The following FSTL5 variants were observed in gnomAD, a reference collection of about 807,000 sequenced individuals.
The protein encoded by FSTL5 is follistatin like 5.
In FSTL5, 62 loss-of-function variants were observed where a neutral mutation model predicts 89.1. That is an observed-to-expected ratio of 0.70 (90% confidence interval 0.57 to 0.86). FSTL5 has a LOEUF of 0.86. Ranked by LOEUF, FSTL5 falls within the 40% of genes least tolerant of loss-of-function variation. The pLI is 0.00. For synonymous variants in FSTL5, 383 were observed against 346.2 expected (o/e 1.11, Z -1.18); for missense variants, 1,057 against 1,001.6 (o/e 1.06, Z -0.75).
intron 8 of FSTL5, among the ~76,000 whole-genome samples, chr4:161,563,095 C>T (rs1224697036): frequency 6.6e-6 from 1 of 151,940 alleles, no homozygotes; most frequent in Non-Finnish European, 1.5e-5. Flanking sequence ...AGTGGCTTTT[C>T]ATTTCTTTCT....
chr4:162,117,176 C>G (rs1731675194), intron 1 of FSTL5, among the ~76,000 whole-genome samples: 1 of 152,154 alleles, frequency 6.6e-6, no homozygotes, highest in Non-Finnish European at 1.5e-5. Context: ...GACAGGAAAA[C>G]TGACTTCTAG....
chr4:161,773,076 C>G (rs1741268634), intron 5 of FSTL5, among the ~76,000 whole-genome samples: 1 of 152,000 alleles, frequency 6.6e-6, no homozygotes, highest in South Asian at 2.1e-4. Flanking sequence ...ACAAAGCAAA[C>G]AAAAACATAA....
At chr4:161,588,278 C>G (rs1290860481) in intron 7 of FSTL5, among the ~76,000 whole-genome samples, 3 of 152,044 alleles carry the variant, frequency 2.0e-5, no homozygotes, top group African/African-American at 4.8e-5. Flanking sequence ...TAACTGCATT[C>G]TTCACATTGG....
chr4:161,538,094 CT>C, intron 10 of FSTL5, 71 bp downstream of exon 10: 1 of 1,500,198 alleles, frequency 6.7e-7, no homozygotes, highest in Non-Finnish European at 9.1e-7. Flanking sequence ...GGTGCCTTTA[CT>C]TTTTAAAAAA....
chr4:161,454,219 G>T (rs1411670368), intron 15 of FSTL5, among the ~76,000 whole-genome samples: 1 of 152,106 alleles, frequency 6.6e-6, no homozygotes, highest in Non-Finnish European at 1.5e-5. Flanking sequence ...CCACACATCA[G>T]AATTCACTTG....
intron 4 of FSTL5, among the ~76,000 whole-genome samples, chr4:161,872,504 G>A (rs188352545): frequency 2.6e-5 from 4 of 152,164 alleles, no homozygotes; most frequent in Non-Finnish European, 5.9e-5. Flanking sequence ...GGAAGTACTG[G>A]CCAAGGCTAT....
chr4:161,964,180 G>C (rs1735259726), intron 3 of FSTL5, among the ~76,000 whole-genome samples: 1 of 151,894 alleles, frequency 6.6e-6, no homozygotes, highest in Non-Finnish European at 1.5e-5. Flanking sequence ...GGCTTTTATT[G>C]TAATATTAAG....
chr4:161,438,758 A>C (rs1040201299), intron 15 of FSTL5, among the ~76,000 whole-genome samples: 1 of 152,116 alleles, frequency 6.6e-6, no homozygotes, highest in Non-Finnish European at 1.5e-5. Context: ...GCAAATGATT[A>C]ATTTTTTTAC....
Position 161,846,048 on chromosome 4 carries a change from C to CAA in FSTL5, c.410-69976_410-69975dup, listed in dbSNP as rs34298769. Among the ~76,000 whole-genome samples the CAA allele has an allele frequency of 1.7e-3, 252 of 144,136 alleles. 1 individual carries two copies. The highest frequency in any genetic ancestry group is 3.5e-3 in the Middle Eastern group (1 of 282). 94.6% of individuals were successfully genotyped at this position (144,136 alleles called of 152,430 possible). A position where few individuals can be genotyped will look rare whatever the true frequency, so the allele number is the denominator to read the frequency against. On this transcript the variant is annotated intron_variant, in intron 4 of 15. Coordinates refer to ENST00000306100, the MANE Select transcript of FSTL5 (RefSeq NM_020116.5). ...TGGGCAACAGAACAAGACTCCGTCT[C>CAA]AAAAAAAAAAAAAAATTGTGAATTG...
rs149738855 is a variant in FSTL5, at chr4:161,643,193, T to G, written c.894+13135A>C. On this transcript the variant is annotated intron_variant, in intron 7 of 15. Transcript: ENST00000306100. ...ATACTCAGATGCAAAAATGAGTTTA[T>G]TTCTCATATCCAAGCCCATTCTTGT... 7.8e-3 allele frequency among the ~76,000 whole-genome samples: 1,182 copies of G among 152,310 alleles called. 16 individuals are homozygous for G. The highest frequency in any genetic ancestry group is 0.047 in the South Asian group (225 of 4,830).
chr4:162,065,659 T>C (rs957848380), intron 2 of FSTL5, among the ~76,000 whole-genome samples: 1 of 151,798 alleles, frequency 6.6e-6, no homozygotes, highest in African/African-American at 2.4e-5. Context: ...TGAAGATTCC[T>C]CAGTAAATTA....
intron 6 of FSTL5, among the ~76,000 whole-genome samples, chr4:161,728,891 G>T (rs1040868545): frequency 6.6e-6 from 1 of 151,974 alleles, no homozygotes; most frequent in African/African-American, 2.4e-5. Context: ...GAAAGATGCC[G>T]CTACCACCTG....
At chr4:161,971,954 A>G (rs544712401) in intron 3 of FSTL5, among the ~76,000 whole-genome samples, 5 of 152,296 alleles carry the variant, frequency 3.3e-5, no homozygotes, top group African/African-American at 1.2e-4. Flanking sequence ...ACCAATAACC[A>G]TACCAAGTCA....
intron 4 of FSTL5, among the ~76,000 whole-genome samples, chr4:161,810,178 G>C (rs1730094544): frequency 6.6e-6 from 1 of 152,040 alleles, no homozygotes; most frequent in African/African-American, 2.4e-5. Flanking sequence ...AAAAAACTCA[G>C]TTACTGCATT....
intron 7 of FSTL5, among the ~76,000 whole-genome samples, chr4:161,601,897 A>G (rs1348108939): frequency 6.6e-6 from 1 of 152,174 alleles, no homozygotes; most frequent in African/African-American, 2.4e-5. Flanking sequence ...CCTTGCACAG[A>G]ATATGTACAT....
At chr4:161,559,636 A>G (rs1458327978) in intron 8 of FSTL5, among the ~76,000 whole-genome samples, 1 of 151,924 alleles carries the variant, frequency 6.6e-6, no homozygotes, top group Non-Finnish European at 1.5e-5. Flanking sequence ...TAATTCCTGT[A>G]AGCAAACTGT....
chr4:162,078,536 CAG>C (rs1424324824), intron 2 of FSTL5, among the ~76,000 whole-genome samples: 1 of 151,746 alleles, frequency 6.6e-6, no homozygotes, highest in Non-Finnish European at 1.5e-5. Context: ...TGCCAGGAAA[CAG>C]AGAGAAGTGG....
intron 4 of FSTL5, among the ~76,000 whole-genome samples, chr4:161,820,215 T>C (rs367546833): frequency 3.9e-4 from 59 of 152,268 alleles, no homozygotes; most frequent in African/African-American, 1.4e-3. Flanking sequence ...GAATGTATTA[T>C]TGGAAGATAA....
At chr4:161,760,747 T>G (rs1474744994) in intron 5 of FSTL5, among the ~76,000 whole-genome samples, 1 of 152,230 alleles carries the variant, frequency 6.6e-6, no homozygotes, top group African/African-American at 2.4e-5. Flanking sequence ...CAATGAATTA[T>G]CATTTCTTTT....
Sources: gnomAD v4.1 joint callset for allele counts (sites outside exome capture counted in the v4.1 genomes callset) on GRCh38, gnomAD v4.1.1 for gene constraint, MANE v1.5 for transcripts, NCBI Gene and HGNC (gene_info 2026-07-23, HGNC 2026-07-21) for gene names.